Variants in BCL11A observed in about 807,000 individuals in gnomAD.
The protein encoded by BCL11A is BCL11 transcription factor A, also known as B cell CLL/lymphoma 11A.
Under a neutral mutation model 55.9 loss-of-function variants are expected in BCL11A, and 2 were observed. The observed-to-expected ratio is 0.04, with a 90% CI of 0.01 to 0.11. The LOEUF (loss-of-function observed/expected upper bound fraction) is 0.11. Ranked by LOEUF, BCL11A falls within the 10% of genes least tolerant of loss-of-function variation. The probability of loss-of-function intolerance (pLI) is 1.00; values close to 1 mark genes in which losing one functional copy is unlikely to be tolerated. For synonymous variants in BCL11A, 465 were observed against 473.4 expected, an observed-to-expected ratio of 0.98 and a Z score of 0.23; for missense variants, 817 against 1,137.1, an observed-to-expected ratio of 0.72 and a Z score of 4.05.
rs1558518520 is a variant in BCL11A at position 60,545,873 on chromosome 2, T to TA, written c.385+97dup. 3.1e-6 allele frequency: 3 copies of TA among 961,636 alleles called. No homozygotes were observed. In the African/African-American group the frequency reaches 4.9e-5, roughly 16 times the overall value. 59.6% of individuals were successfully genotyped at this position (961,636 alleles called of 1,614,324 possible). On this transcript the variant is annotated intron_variant, in intron 2 of 3. Transcript: ENST00000642384. ...TGTCATGGACAGTCACATAGAGTAATAGAGAAAGCACTTCACAACTCCTTA... is the reference window on the plus strand; with the variant it reads ...TGTCATGGACAGTCACATAGAGTAATAAGAGAAAGCACTTCACAACTCCTTA...
At chr2:60,540,603 T>C (rs951691960) in intron 2 of BCL11A, among the ~76,000 whole-genome samples, 1 of 152,160 alleles carries the variant, frequency 6.6e-6, no homozygotes, top group African/African-American at 2.4e-5. Flanking sequence ...AAAAAATGTT[T>C]CCCTAGGATT....
chr2:60,459,530 C>A lies in BCL11A; in HGVS notation c.*874G>T, dbSNP rs1232471264. The A allele has an allele frequency of 9.8e-7, 1 of 1,023,872 alleles. No individual in the cohort carries two copies. Among genetic ancestry groups the A allele is most frequent in the East Asian group, 6.4e-5 (1 of 15,616 alleles). 63.4% of individuals were successfully genotyped at this position (1,023,872 alleles called of 1,614,324 possible). A position where few individuals can be genotyped will look rare whatever the true frequency, so the allele number is the denominator to read the frequency against. On this transcript the variant is annotated 3_prime_UTR_variant, in exon 4 of 4. Transcript: ENST00000642384. ...GATGATTAACTAGGACATAATGGGT[C>A]ATCTTTTTAGGTAGCCATTGTTGTG...
At chr2:60,452,469 T>A, downstream of BCL11A, 2 of 943,126 alleles carry the variant, frequency 2.1e-6, no homozygotes, top group Non-Finnish European at 3.4e-6. Context: ...CAACGGCTTC[T>A]TGGAGGCTAC....
chr2:60,538,537 A>C (rs1052121568), intron 2 of BCL11A: 2 of 152,182 alleles, frequency 1.3e-5, no homozygotes, highest in African/African-American at 4.8e-5. Context: ...ACTGCTTCTG[A>C]CAGCTGTTGA....
intron 1 of BCL11A, among the ~76,000 whole-genome samples, chr2:60,548,845 T>C (rs1213813119): frequency 6.6e-6 from 1 of 152,240 alleles, no homozygotes; most frequent in Non-Finnish European, 1.5e-5. Context: ...TCTCATGGTG[T>C]AGTCTACTGA....
At chr2:60,510,022 T>C (rs758917083) in intron 2 of BCL11A, among the ~76,000 whole-genome samples, 7 of 152,084 alleles carry the variant, frequency 4.6e-5, no homozygotes, top group Non-Finnish European at 8.8e-5. Flanking sequence ...TCCTGCCGGT[T>C]TTCCCTTCGA....
intron 2 of BCL11A, chr2:60,544,561 T>C (rs1422737901): frequency 3.3e-5 from 5 of 152,050 alleles, no homozygotes; most frequent in Non-Finnish European, 7.4e-5. Context: ...AGAAAGAAAA[T>C]GCCATGTTTG....
rs566689980 is a variant in BCL11A, at chr2:60,470,212, A to C, written c.386-1379T>G. Among the ~76,000 whole-genome samples, 5 of 152,256 alleles carry C rather than the reference A, an allele frequency of 3.3e-5. No homozygotes were observed. In the South Asian group the frequency reaches 1.0e-3, roughly 32 times the overall value. On this transcript the variant is annotated intron_variant, in intron 2 of 3. Transcript: ENST00000642384. ...GGTGGAAGCACCACCTAGCCTGAGAACATCTACAGAGACATTTCATCCTCT... is the reference window on the plus strand; with the variant it reads ...GGTGGAAGCACCACCTAGCCTGAGACCATCTACAGAGACATTTCATCCTCT...
Position 60,458,164 on chromosome 2 carries a change from C to T in BCL11A, c.*2240G>A, listed in dbSNP as rs916247390. The T allele has an allele frequency of 2.2e-5, 23 of 1,024,966 alleles. No individual in the cohort carries two copies. Among genetic ancestry groups the T allele is most frequent in the African/African-American group, 5.1e-5 (3 of 58,826 alleles). The allele number at this position is 1,024,966 out of a possible 1,614,324, so 63.5% of individuals were successfully genotyped here. A position where few individuals can be genotyped will look rare whatever the true frequency, so the allele number is the denominator to read the frequency against. On this transcript the variant is annotated 3_prime_UTR_variant, in exon 4 of 4. Transcript: ENST00000642384. ...ATGAACATTTAATTCAAATACCATT[C>T]TAGAAATACAGAAAAAAGACCATAA...
Position 60,458,515 on chromosome 2 carries a change from G to A in BCL11A, c.*1889C>T, listed in dbSNP as rs947525374. ...AGCGAAAGCAATCATTCATTTCTAT[G>A]TTAAGTGTATTCTGTTTCCATTCAC... is the stretch of plus-strand genomic sequence containing the variant. On this transcript the variant is annotated 3_prime_UTR_variant, in exon 4 of 4. Transcript: ENST00000642384. 5 of 1,033,698 alleles carry A rather than the reference G, an allele frequency of 4.8e-6. No homozygotes were observed. In the African/African-American group the frequency reaches 8.4e-5, roughly 17 times the overall value. The allele number at this position is 1,033,698 out of a possible 1,614,324, so 64.0% of individuals were successfully genotyped here.
intron 2 of BCL11A, chr2:60,524,395 G>A (rs780109620): frequency 6.6e-6 from 1 of 152,156 alleles, no homozygotes; most frequent in Non-Finnish European, 1.5e-5. Context: ...CCTCTGGGGG[G>A]CTGCCATTCA....
intron 2 of BCL11A, among the ~76,000 whole-genome samples, chr2:60,514,788 G>C (rs1335626629): frequency 6.6e-6 from 1 of 150,854 alleles, no homozygotes; most frequent in Non-Finnish European, 1.5e-5. Context: ...GGCACCATAA[G>C]AGGCTGTGAA....
chr2:60,539,847 T>G (rs1669840650), intron 2 of BCL11A, among the ~76,000 whole-genome samples: 1 of 152,146 alleles, frequency 6.6e-6, no homozygotes, highest in Non-Finnish European at 1.5e-5. Context: ...CGTGGCAAAT[T>G]ACAAAGGTAA....
chr2:60,494,938 A>T (rs571532229), intron 2 of BCL11A, among the ~76,000 whole-genome samples: 40 of 152,294 alleles, frequency 2.6e-4, no homozygotes, highest in African/African-American at 9.1e-4. Context: ...GGGAACACAG[A>T]TCCTAACACA....
At chr2:60,541,084 G>C (rs964001214) in intron 2 of BCL11A, among the ~76,000 whole-genome samples, 1 of 151,994 alleles carries the variant, frequency 6.6e-6, no homozygotes, top group Non-Finnish European at 1.5e-5. Flanking sequence ...TGTTCTTGAA[G>C]TGAATACATA....
In BCL11A at chr2:60,459,814, T is replaced by C; in HGVS notation, c.*590A>G. On this transcript the variant is annotated 3_prime_UTR_variant, in exon 4 of 4. Transcript: ENST00000642384. ...GACAGACATTTAGCTCATAGAGATT[T>C]TTTTTCAGTGCTATCTATTCTGTCT... 9.6e-7 allele frequency: 1 copy of C among 1,043,596 alleles called. No homozygotes were observed. Among genetic ancestry groups the C allele is most frequent in the African/African-American group, 1.7e-5 (1 of 60,072 alleles). The allele number at this position is 1,043,596 out of a possible 1,614,324, so 64.6% of individuals were successfully genotyped here.
At chr2:60,514,289 G>C (rs1668626408) in intron 2 of BCL11A, among the ~76,000 whole-genome samples, 1 of 152,182 alleles carries the variant, frequency 6.6e-6, no homozygotes, top group Non-Finnish European at 1.5e-5. Flanking sequence ...TGGGATCGCA[G>C]TGCTGAGCCA....
rs1010158797 is a variant in BCL11A at position 60,461,287 on chromosome 2, G to C, written c.1625C>G (p.Ala542Gly). ...AVVGVGDESR[A>G]LPDVMQGMVL... ...CATGCCCTGCATGACGTCGGGCAGG[G>C]CGCGGCTCTCGTCGCCCACGCCCAC... Residue 542 changes from alanine (A) to glycine (G), a missense_variant, in exon 4 of 4, where the codon GCC (alanine) becomes GGC (glycine). Ala to Gly is a moderately conservative substitution (Grantham distance 60, BLOSUM62 0). This residue lies in a region of BCL11A where 379 missense variants were observed against 425.3 expected (regional missense o/e 0.89). Transcript: ENST00000642384. 6.2e-7 allele frequency: 1 copy of C among 1,604,224 alleles called. No homozygotes were observed. Among genetic ancestry groups the C allele is most frequent in the Non-Finnish European group, 8.5e-7 (1 of 1,179,126 alleles).
chr2:60,485,406 C>T (rs1198273632), intron 2 of BCL11A, among the ~76,000 whole-genome samples: 1 of 152,234 alleles, frequency 6.6e-6, no homozygotes. Flanking sequence ...CTGTCATCTT[C>T]GTTCTTGGCT....
Sources: gnomAD v4.1 joint callset for allele counts (sites outside exome capture counted in the v4.1 genomes callset) on GRCh38, gnomAD v4.1.1 for gene constraint, gnomAD v4.1.1 regional missense constraint, MANE v1.5 for transcripts, NCBI Gene and HGNC (gene_info 2026-07-23, HGNC 2026-07-21) for gene names.